QTMAN: variants seen among roughly 807,000 people sequenced by gnomAD.
QTMAN encodes queuosine-tRNA mannosyltransferase.
chr2:143,952,668 C>T, the QTMAN span: 1 of 839,124 alleles, frequency 1.2e-6, no homozygotes. Context: ...TGTTGACTTG[C>T]CAAATAAACA....
At chr2:144,065,476 T>C in the QTMAN span, among the ~76,000 whole-genome samples, 5 of 152,244 alleles carry the variant, frequency 3.3e-5, no homozygotes, top group Non-Finnish European at 7.3e-5. Context: ...TAGGTATTCA[T>C]TCTGCTGCTC....
the QTMAN span, among the ~76,000 whole-genome samples, chr2:144,030,273 A>G: frequency 2.6e-5 from 4 of 152,168 alleles, no homozygotes; most frequent in Admixed American, 6.5e-5. Context: ...CAAATTCTCC[A>G]TATTAAGCAG....
chr2:144,312,788 A>T, the QTMAN span, among the ~76,000 whole-genome samples: 1 of 152,250 alleles, frequency 6.6e-6, no homozygotes, highest in South Asian at 2.1e-4. Context: ...ATGGTTTACA[A>T]GTGTTTGGCA....
chr2:144,244,219 G>A, the QTMAN span, among the ~76,000 whole-genome samples: 1 of 152,210 alleles, frequency 6.6e-6, no homozygotes, highest in Non-Finnish European at 1.5e-5. Flanking sequence ...CTCCAACAGT[G>A]CGGAGCTCAT....
chr2:144,131,705 C>T, the QTMAN span, among the ~76,000 whole-genome samples: 2 of 151,916 alleles, frequency 1.3e-5, no homozygotes, highest in Admixed American at 1.3e-4. Context: ...TGTGCCCTCT[C>T]ACTCACTCTA....
At chr2:144,053,347 AT>A in the QTMAN span, among the ~76,000 whole-genome samples, 1 of 152,214 alleles carries the variant, frequency 6.6e-6, no homozygotes, top group East Asian at 1.9e-4. Flanking sequence ...AAAAATAAAA[AT>A]TTAGCTGGTT....
the QTMAN span, among the ~76,000 whole-genome samples, chr2:144,111,003 T>C: frequency 6.6e-6 from 1 of 152,144 alleles, no homozygotes; most frequent in Non-Finnish European, 1.5e-5. Flanking sequence ...CCAGTTGTCT[T>C]TTGACTCTAT....
At chr2:144,291,283 T>C in the QTMAN span, among the ~76,000 whole-genome samples, 1 of 152,202 alleles carries the variant, frequency 6.6e-6, no homozygotes, top group Non-Finnish European at 1.5e-5. Flanking sequence ...TTAGGACTTC[T>C]ACATTTCTTT....
the QTMAN span, among the ~76,000 whole-genome samples, chr2:143,986,013 C>T: frequency 9.2e-5 from 14 of 151,898 alleles, no homozygotes; most frequent in Admixed American, 9.2e-4. Flanking sequence ...TATTAAATGC[C>T]TCATATTGAG....
chr2:144,222,577 C>T, the QTMAN span, among the ~76,000 whole-genome samples: 139 of 151,524 alleles, frequency 9.2e-4, no homozygotes, highest in African/African-American at 3.2e-3. Context: ...GAGGCCGAGG[C>T]GGGCGGATCA....
At chr2:144,190,661 C>T in the QTMAN span, among the ~76,000 whole-genome samples, 3 of 151,902 alleles carry the variant, frequency 2.0e-5, no homozygotes, top group Non-Finnish European at 4.4e-5. Context: ...AATAACAATT[C>T]GGTAAAATCG....
chr2:143,947,794 T>C, the QTMAN span, among the ~76,000 whole-genome samples: 1 of 151,746 alleles, frequency 6.6e-6, no homozygotes, highest in Admixed American at 6.6e-5. Flanking sequence ...TGCTAAAAGG[T>C]TTTTTCCTTT....
the QTMAN span, among the ~76,000 whole-genome samples, chr2:144,144,221 C>G: frequency 6.6e-6 from 1 of 151,930 alleles, no homozygotes; most frequent in East Asian, 1.9e-4. Flanking sequence ...TTCCCTCAAA[C>G]GGCATGTGAC....
chr2:144,206,887 C>T, the QTMAN span, among the ~76,000 whole-genome samples: 1 of 152,044 alleles, frequency 6.6e-6, no homozygotes, highest in African/African-American at 2.4e-5. Flanking sequence ...TTTTAATGTT[C>T]AAATCACTGT....
At chr2:144,272,853 T>C in the QTMAN span, among the ~76,000 whole-genome samples, 1 of 152,184 alleles carries the variant, frequency 6.6e-6, no homozygotes, top group Non-Finnish European at 1.5e-5. Flanking sequence ...CCATTTTAGC[T>C]ATAAAGACAT....
chr2:144,225,513 T>C, the QTMAN span, among the ~76,000 whole-genome samples: 3 of 152,300 alleles, frequency 2.0e-5, no homozygotes, highest in Admixed American at 2.0e-4. Flanking sequence ...CCAAGCTCCA[T>C]TCTAGCCTCA....
At chr2:144,271,664 A>C in the QTMAN span, among the ~76,000 whole-genome samples, 1 of 152,290 alleles carries the variant, frequency 6.6e-6, no homozygotes, top group African/African-American at 2.4e-5. Flanking sequence ...AAAACATTTC[A>C]GTACCTTTTT....
At chr2:144,174,987 T>C in the QTMAN span, among the ~76,000 whole-genome samples, 5 of 152,264 alleles carry the variant, frequency 3.3e-5, no homozygotes, top group African/African-American at 1.2e-4. Flanking sequence ...GCTGTGACCA[T>C]GTAGATATAA....
At chr2:144,305,439 A>G in the QTMAN span, among the ~76,000 whole-genome samples, 1 of 152,098 alleles carries the variant, frequency 6.6e-6, no homozygotes, top group Non-Finnish European at 1.5e-5. Context: ...TGGGCTTTCA[A>G]TTATATTCCA....
Sources: gnomAD v4.1 joint callset for allele counts (sites outside exome capture counted in the v4.1 genomes callset) on GRCh38, gnomAD v4.1.1 for gene constraint, MANE v1.5 for transcripts, NCBI Gene and HGNC (gene_info 2026-07-23, HGNC 2026-07-21) for gene names.